CFAP221: variants seen among roughly 807,000 people sequenced by gnomAD.
CFAP221 encodes the protein cilia and flagella associated protein 221, also known as cilia- and flagella-associated protein 221.
A neutral mutation model predicts 113.1 loss-of-function variants in CFAP221; 97 were observed. That is an observed-to-expected ratio of 0.86 (90% confidence interval 0.73 to 1.02). The LOEUF (loss-of-function observed/expected upper bound fraction) is 1.02, where lower values mean the gene tolerates loss of function less well. Ranked by LOEUF, CFAP221 falls within the 50% of genes least tolerant of loss-of-function variation. The probability of loss-of-function intolerance (pLI) is 0.00; values close to 1 mark genes in which losing one functional copy is unlikely to be tolerated. For synonymous variants in CFAP221, 331 were observed against 354.4 expected (o/e 0.93, Z 0.74); for missense variants, 1,025 against 1,013.4 (o/e 1.01, Z -0.16).
chr2:119,629,090 C>G (rs1276874651), intron 16 of CFAP221, among the ~76,000 whole-genome samples: 1 of 152,108 alleles, frequency 6.6e-6, no homozygotes, highest in Non-Finnish European at 1.5e-5. Flanking sequence ...TTGTAAGATG[C>G]CTTTTTCTTA....
chr2:119,577,466 G>A lies in CFAP221; in HGVS notation c.528-9653G>A, dbSNP rs989550933. Among the ~76,000 whole-genome samples, 3 of 152,188 alleles carry A rather than the reference G, an allele frequency of 2.0e-5. No individual in the cohort carries two copies. The South Asian group carries it at 6.2e-4, about 32-fold the overall frequency. On this transcript the variant is annotated intron_variant, in intron 6 of 23. Transcript: ENST00000413369. ...TTTCAAAGAGAGCAGCAGGAGGGAA[G>A]GGGACTGCAATGTAAACAACGCAAT...
intron 6 of CFAP221, among the ~76,000 whole-genome samples, chr2:119,566,595 C>T (rs868809989): frequency 3.3e-5 from 5 of 152,232 alleles, no homozygotes; most frequent in Admixed American, 1.3e-4. Flanking sequence ...CTCAACGTGG[C>T]TCCATTCCTT....
intron 15 of CFAP221, among the ~76,000 whole-genome samples, chr2:119,626,046 C>T (rs1027281653): frequency 1.3e-5 from 2 of 152,194 alleles, no homozygotes; most frequent in Non-Finnish European, 2.9e-5. Context: ...GCGCTCCCCC[C>T]AGGGGTTTCA....
chr2:119,644,825 T>C (rs945325755), intron 21 of CFAP221, among the ~76,000 whole-genome samples: 21 of 152,220 alleles, frequency 1.4e-4, no homozygotes, highest in African/African-American at 4.3e-4. Flanking sequence ...AGTTATTGCT[T>C]GCTTTCCACC....
intron 14 of CFAP221, among the ~76,000 whole-genome samples, chr2:119,621,665 A>G (rs1296920221): frequency 6.6e-6 from 1 of 152,214 alleles, no homozygotes. Flanking sequence ...CAGCAAATGC[A>G]AAAGAACAGA....
At chr2:119,638,210 C>T (rs1188272741) in intron 19 of CFAP221, 49 bp from the exon 20 acceptor site, 1 of 1,596,082 alleles carries the variant, frequency 6.3e-7, no homozygotes, top group African/African-American at 1.3e-5. Context: ...CTATGCCTGG[C>T]TTAGAAACTG....
At chr2:119,548,238 A>T (rs1032814188) in intron 2 of CFAP221, among the ~76,000 whole-genome samples, 2 of 152,210 alleles carry the variant, frequency 1.3e-5, no homozygotes, top group African/African-American at 4.8e-5. Flanking sequence ...TGCTGGGATT[A>T]CATGTGTGAG....
chr2:119,573,550 CA>C (rs1348432944), intron 6 of CFAP221: 1 of 152,158 alleles, frequency 6.6e-6, no homozygotes, highest in African/African-American at 2.4e-5. Flanking sequence ...TGTCATTTAA[CA>C]ACAGCCTAGC....
intron 1 of CFAP221, 22 bp downstream of exon 1, chr2:119,544,532 G>C (rs1353603958): frequency 1.3e-5 from 2 of 152,078 alleles, no homozygotes; most frequent in East Asian, 3.9e-4. Flanking sequence ...GGGACCTGGG[G>C]CCCGGGTGGC....
intron 23 of CFAP221, among the ~76,000 whole-genome samples, chr2:119,653,189 T>C (rs1427542849): frequency 6.6e-6 from 1 of 151,934 alleles, no homozygotes; most frequent in Non-Finnish European, 1.5e-5. Context: ...GAGACCAGCC[T>C]GGCCAAAATG....
chr2:119,569,739 C>T (rs1026653984), intron 6 of CFAP221, among the ~76,000 whole-genome samples: 1 of 151,926 alleles, frequency 6.6e-6, no homozygotes, highest in Non-Finnish European at 1.5e-5. Flanking sequence ...TTGATATATC[C>T]TCAAGCTCAG....
At chr2:119,559,870 G>A (rs903897207) in intron 4 of CFAP221, 58 bp from the exon 5 acceptor site, 35 of 1,485,328 alleles carry the variant, frequency 2.4e-5, no homozygotes, top group South Asian at 7.2e-5. Context: ...TGTCACCCCC[G>A]GTGCTGCTCT....
At position 119,656,593 on chromosome 2, in the gene CFAP221, G is replaced by T; in HGVS notation, c.*123G>T. The stretch of plus-strand genomic sequence containing the variant: ...CTGGATAAAAAAATGAAATGTAGAG[G>T]ATGTATATATCTTTTAAGTGATAAT... On this transcript the variant is annotated 3_prime_UTR_variant, in exon 24 of 24. Coordinates refer to ENST00000413369, the MANE Select transcript of CFAP221 (RefSeq NM_001271049.2). The T allele has an allele frequency of 3.1e-6, 2 of 639,638 alleles. No homozygotes were observed. Among genetic ancestry groups the T allele is most frequent in the South Asian group, 1.9e-5 (1 of 52,058 alleles). The allele number at this position is 639,638 out of a possible 1,614,324, so 39.6% of individuals were successfully genotyped here. A position where few individuals can be genotyped will look rare whatever the true frequency, so the allele number is the denominator to read the frequency against.
chr2:119,597,242 G>A (rs189224565), intron 7 of CFAP221, among the ~76,000 whole-genome samples: 11 of 152,264 alleles, frequency 7.2e-5, no homozygotes, highest in Admixed American at 7.2e-4. Flanking sequence ...CTCAGCTAAG[G>A]TAGCCAAGCG....
intron 23 of CFAP221, among the ~76,000 whole-genome samples, chr2:119,653,533 A>C (rs1456070922): frequency 3.3e-5 from 5 of 152,220 alleles, no homozygotes; most frequent in Non-Finnish European, 7.3e-5. Context: ...TTCCGAGTAG[A>C]TGTACCATAA....
chr2:119,552,012 G>GTA (rs1680468413), intron 3 of CFAP221, among the ~76,000 whole-genome samples: 1 of 152,062 alleles, frequency 6.6e-6, no homozygotes, highest in South Asian at 2.1e-4. Context: ...GCTTGCTAAG[G>GTA]GTCCTGTAGT....
chr2:119,564,125 G>A (rs971642119), intron 6 of CFAP221, among the ~76,000 whole-genome samples: 7 of 152,190 alleles, frequency 4.6e-5, no homozygotes, highest in Non-Finnish European at 8.8e-5. Context: ...GCTGATGACC[G>A]GGTGGATCAA....
chr2:119,546,251 T>C lies in CFAP221; in HGVS notation c.120T>C (p.Pro40=). The part of the protein sequence containing the change: ...VEEPKKRKEV[P]NHLLESKVYA... The stretch of plus-strand genomic sequence containing the variant: ...AGCCGAAAAAAAGAAAAGAAGTACC[T>C]AATCACCTCCTAGAATCAAGTAAGT... The change falls in exon 2 of 24, where the codon CCT becomes CCC. Residue 40 remains proline (P), a synonymous_variant. Transcript: ENST00000413369. 1 of 1,535,152 alleles carries C rather than the reference T, an allele frequency of 6.5e-7. No individual in the cohort carries two copies. Among genetic ancestry groups the C allele is most frequent in the Non-Finnish European group, 8.7e-7 (1 of 1,146,530 alleles).
intron 15 of CFAP221, among the ~76,000 whole-genome samples, chr2:119,626,879 A>G (rs975445270): frequency 1.3e-5 from 2 of 151,692 alleles, no homozygotes; most frequent in South Asian, 2.1e-4. Flanking sequence ...GCAGTAAGCT[A>G]TGATCGCACC....
Sources: allele counts gnomAD v4.1 joint callset (sites outside exome capture counted in the v4.1 genomes callset), GRCh38; gene constraint gnomAD v4.1.1; transcripts MANE v1.5; gene names NCBI Gene and HGNC (gene_info 2026-07-23, HGNC 2026-07-21).